The following RDH12 variants were observed in gnomAD, a reference collection of about 807,000 sequenced individuals.
The protein encoded by RDH12 is all-trans and 9-cis retinol dehydrogenase.
RDH12 carries 21 observed loss-of-function variants against 34.0 expected under a neutral mutation model. The observed-to-expected ratio is 0.62, with a 90% CI of 0.44 to 0.89. The LOEUF is 0.89. Ranked by LOEUF, RDH12 falls within the 40% of genes least tolerant of loss-of-function variation. The pLI, the probability that RDH12 is intolerant of heterozygous loss-of-function variation, is 0.00. For missense variants in RDH12, 394 were observed against 398.6 expected, an observed-to-expected ratio of 0.99 and a Z score of 0.10; for synonymous variants, 198 against 169.9, an observed-to-expected ratio of 1.17 and a Z score of -1.29.
intron 8 of RDH12, among the ~76,000 whole-genome samples, chr14:67,733,363 C>T (rs867371333): frequency 1.8e-4 from 28 of 152,242 alleles, no homozygotes; most frequent in Middle Eastern, 3.4e-3. Flanking sequence ...TCTTCAATTA[C>T]GAATGTAGGC....
chr14:67,730,611 A>T (rs928924197), intron 8 of RDH12, among the ~76,000 whole-genome samples: 1 of 151,122 alleles, frequency 6.6e-6, no homozygotes, highest in African/African-American at 2.4e-5. Flanking sequence ...GATCCCAAGC[A>T]TTTTTTTTTG....
At chr14:67,712,172 G>A (rs576585387) in intron 1 of RDH12, among the ~76,000 whole-genome samples, 35 of 152,104 alleles carry the variant, frequency 2.3e-4, no homozygotes, top group African/African-American at 8.2e-4. Context: ...CACACACCTT[G>A]ACCTCCCAAA....
intron 7 of RDH12, chr14:67,727,565 C>T (rs990079504): frequency 1.0e-5 from 3 of 288,024 alleles, no homozygotes; most frequent in African/African-American, 6.7e-5. Flanking sequence ...TCACTGCGAC[C>T]TCTGCCTCCT....
Position 67,727,488 on chromosome 14 carries a change from T to G in RDH12, c.658+298T>G, listed in dbSNP as rs895310392. 6.2e-5 allele frequency: 22 copies of G among 352,322 alleles called. 1 individual carries two copies. Among genetic ancestry groups the G allele is most frequent in the East Asian group, 2.9e-4 (4 of 13,728 alleles). 21.8% of individuals were successfully genotyped at this position (352,322 alleles called of 1,614,324 possible). A position where few individuals can be genotyped will look rare whatever the true frequency, so the allele number is the denominator to read the frequency against. On this transcript the variant is annotated intron_variant, in intron 7 of 8. Coordinates refer to ENST00000551171, the MANE Select transcript of RDH12 (RefSeq NM_152443.3). ...ACAGAGGCTTTTTGTTTTTTTTGTT[T>G]TTTTTTTTTTGAGACTTGAGTTTCG...
At chr14:67,727,427 A>G in intron 7 of RDH12, 1 of 497,294 alleles carries the variant, frequency 2.0e-6, no homozygotes, top group South Asian at 2.1e-5. Flanking sequence ...CTTATCTCTT[A>G]TCTCATTTGA....
chr14:67,724,398 T>G lies in RDH12; in HGVS notation c.69-75T>G, dbSNP rs201143586. 0.094 allele frequency: 91,264 copies of G among 966,212 alleles called. 3,613 individuals are homozygous for G. The highest frequency in any genetic ancestry group is 0.26 in the South Asian group (19,028 of 72,992). 59.9% of individuals were successfully genotyped at this position (966,212 alleles called of 1,614,324 possible). A position where few individuals can be genotyped will look rare whatever the true frequency, so the allele number is the denominator to read the frequency against. On this transcript the variant is annotated intron_variant, in intron 3 of 8. Coordinates refer to ENST00000551171, the MANE Select transcript of RDH12 (RefSeq NM_152443.3). Reference sequence around the variant, plus strand: ...TTCTTTGAGGCTGGATAGAGTTTTTTTTTTTTTTTTTAACGTATCTTAGTG... The same window carrying G: ...TTCTTTGAGGCTGGATAGAGTTTTTGTTTTTTTTTTTAACGTATCTTAGTG...
intron 1 of RDH12, among the ~76,000 whole-genome samples, chr14:67,712,536 A>T (rs547781842): frequency 6.6e-6 from 1 of 150,532 alleles, no homozygotes; most frequent in East Asian, 2.0e-4. Flanking sequence ...TTTGGGTGAG[A>T]AAAAAACAAA....
chr14:67,726,118 T>C lies in RDH12; in HGVS notation c.411T>C (p.Ala137=), dbSNP rs1287195540. ...TGATGTGTCCATATTCCAAGACAGC[T>C]GATGGCTTTGAAACCCACCTGGGAG... The part of the protein sequence containing the change: ...GVMMCPYSKT[A]DGFETHLGVN... Residue 137 remains alanine, a synonymous_variant, in exon 6 of 9, where the codon GCT becomes GCC. Transcript: ENST00000551171. 1 of 1,613,900 alleles carries C rather than the reference T, an allele frequency of 6.2e-7. No individual in the cohort carries two copies. Among genetic ancestry groups the C allele is most frequent in the Non-Finnish European group, 8.5e-7 (1 of 1,179,866 alleles).
intron 3 of RDH12, 66 bp downstream of exon 3, chr14:67,722,776 C>G: frequency 7.6e-7 from 1 of 1,323,522 alleles, no homozygotes. Context: ...CGGTTCTCAG[C>G]TGCTGAAAGA....
At chr14:67,725,488 T>C (rs1259185420) in intron 5 of RDH12, among the ~76,000 whole-genome samples, 1 of 152,236 alleles carries the variant, frequency 6.6e-6, no homozygotes, top group East Asian at 1.9e-4. Flanking sequence ...GTTAGCTCCC[T>C]GTCTGGGCTT....
At chr14:67,722,120 C>T (rs952577376) in intron 2 of RDH12, among the ~76,000 whole-genome samples, 5 of 152,144 alleles carry the variant, frequency 3.3e-5, no homozygotes, top group African/African-American at 7.2e-5. Flanking sequence ...CCAGTCACTG[C>T]CCCCTCCTCC....
intron 1 of RDH12, among the ~76,000 whole-genome samples, chr14:67,713,612 C>CT (rs2038034966): frequency 6.6e-6 from 1 of 151,988 alleles, no homozygotes; most frequent in Non-Finnish European, 1.5e-5. Flanking sequence ...ATTGAGAATC[C>CT]TTTTGTGGTT....
chr14:67,729,100 CCTT>C, intron 7 of RDH12, 88 bp from the exon 8 acceptor site: 13 of 1,321,338 alleles, frequency 9.8e-6, no homozygotes, highest in Non-Finnish European at 1.3e-5. Context: ...CTGAGTCCCT[CCTT>C]CTCACTTGTG....
rs953380469 is a variant in RDH12 at position 67,722,957 on chromosome 14, G to T, written c.68+247G>T. 3.3e-5 allele frequency among the ~76,000 whole-genome samples: 5 copies of T among 152,178 alleles called. No homozygotes were observed. The East Asian group carries it at 9.6e-4, about 29-fold the overall frequency. ...CTCTGGGGAGAGTTCTACTGCCAGC[G>T]GAAGGCTGCATGGATGACTCTGTCA... On this transcript the variant is annotated intron_variant, in intron 3 of 8. Coordinates refer to ENST00000551171, the MANE Select transcript of RDH12 (RefSeq NM_152443.3).
At chr14:67,705,275 A>G (rs1594857971) in intron 1 of RDH12, among the ~76,000 whole-genome samples, 1 of 152,242 alleles carries the variant, frequency 6.6e-6, no homozygotes, top group Non-Finnish European at 1.5e-5. Flanking sequence ...ACAGATGACA[A>G]CATACAAGTT....
chr14:67,703,555 C>T (rs1257989519), intron 1 of RDH12, among the ~76,000 whole-genome samples: 1 of 152,076 alleles, frequency 6.6e-6, no homozygotes, highest in Non-Finnish European at 1.5e-5. Flanking sequence ...TTAGACGATC[C>T]TACATGTTAA....
At chr14:67,720,991 G>A (rs999435472) in intron 2 of RDH12, 89 bp downstream of exon 2, 1 of 152,168 alleles carries the variant, frequency 6.6e-6, no homozygotes, top group Non-Finnish European at 1.5e-5. Context: ...TGTTCTGTTG[G>A]TCAGGTCCAT....
rs553239607 is a variant in RDH12 at position 67,727,298 on chromosome 14, C to T, written c.658+108C>T. 30 of 816,062 alleles carry T rather than the reference C, an allele frequency of 3.7e-5. No individual in the cohort carries two copies. In the South Asian group the frequency reaches 4.1e-4, roughly 11 times the overall value. The allele number at this position is 816,062 out of a possible 1,614,324, so 50.6% of individuals were successfully genotyped here. A position where few individuals can be genotyped will look rare whatever the true frequency, so the allele number is the denominator to read the frequency against. On this transcript the variant is annotated intron_variant, in intron 7 of 8. Coordinates refer to ENST00000551171, the MANE Select transcript of RDH12 (RefSeq NM_152443.3). ...AAACATGCACGTGTCAGTAATATCT[C>T]TGTGGACTAAGGAGAATGAAATTAT...
intron 7 of RDH12, chr14:67,727,966 C>T (rs1432081318): frequency 2.0e-5 from 3 of 152,224 alleles, no homozygotes; most frequent in South Asian, 4.1e-4. Context: ...GATTTCAGAC[C>T]CCTGGGTCCA....
Sources: gnomAD v4.1 joint callset for allele counts (sites outside exome capture counted in the v4.1 genomes callset) on GRCh38, gnomAD v4.1.1 for gene constraint, MANE v1.5 for transcripts, NCBI Gene and HGNC (gene_info 2026-07-23, HGNC 2026-07-21) for gene names.